Variants in REDIC1 observed in about 807,000 individuals in gnomAD.
The protein encoded by REDIC1 is HEI10 Interacting Protein 1.
the REDIC1 span, among the ~76,000 whole-genome samples, chr12:39,656,877 T>C: frequency 1.3e-5 from 2 of 152,136 alleles, no homozygotes; most frequent in East Asian, 1.9e-4. Context: ...AAGAAAAATT[T>C]TTTTACAGCT....
the REDIC1 span, among the ~76,000 whole-genome samples, chr12:39,679,976 A>G: frequency 1.3e-5 from 2 of 152,218 alleles, no homozygotes; most frequent in African/African-American, 4.8e-5. Flanking sequence ...CTCACCTTAT[A>G]TAAAAATCAA....
the REDIC1 span, among the ~76,000 whole-genome samples, chr12:39,899,734 A>C: frequency 6.6e-6 from 1 of 151,998 alleles, no homozygotes; most frequent in African/African-American, 2.4e-5. Flanking sequence ...TCATTTATTT[A>C]TGTACCCAGT....
the REDIC1 span, among the ~76,000 whole-genome samples, chr12:39,772,439 A>G: frequency 6.6e-6 from 1 of 152,162 alleles, no homozygotes; most frequent in African/African-American, 2.4e-5. Flanking sequence ...CCTATTGTCC[A>G]TCATAATACC....
chr12:39,782,950 C>A, the REDIC1 span, among the ~76,000 whole-genome samples: 1 of 151,998 alleles, frequency 6.6e-6, no homozygotes, highest in East Asian at 1.9e-4. Flanking sequence ...ATACATGTGC[C>A]ATGTTGGTGT....
At chr12:39,712,104 GTATAT>G in the REDIC1 span, among the ~76,000 whole-genome samples, 2 of 125,442 alleles carry the variant, frequency 1.6e-5, no homozygotes, top group South Asian at 5.0e-4. Flanking sequence ...ATATATACCT[GTATAT>G]ATACCTGTAT....
At chr12:39,858,756 GC>G in the REDIC1 span, among the ~76,000 whole-genome samples, 1 of 152,056 alleles carries the variant, frequency 6.6e-6, no homozygotes, top group Non-Finnish European at 1.5e-5. Flanking sequence ...ATAGGAGCCT[GC>G]CACCACACTT....
chr12:39,817,412 T>G, the REDIC1 span, among the ~76,000 whole-genome samples: 1 of 128,808 alleles, frequency 7.8e-6, no homozygotes, highest in Non-Finnish European at 1.8e-5. Flanking sequence ...TGGCTTCTAG[T>G]TGTGGGTCAT....
chr12:39,700,610 G>C, the REDIC1 span, among the ~76,000 whole-genome samples: 1 of 152,030 alleles, frequency 6.6e-6, no homozygotes, highest in Non-Finnish European at 1.5e-5. Flanking sequence ...TCCTCAAGAA[G>C]AGCAACACCA....
chr12:39,865,451 A>G, the REDIC1 span, among the ~76,000 whole-genome samples: 105,374 of 152,118 alleles, frequency 0.69, 37,422 homozygotes, highest in African/African-American at 0.84. Flanking sequence ...TATATCACAT[A>G]TATTCTTTTT....
chr12:39,726,694 G>C, the REDIC1 span, among the ~76,000 whole-genome samples: 1 of 152,142 alleles, frequency 6.6e-6, no homozygotes, highest in Non-Finnish European at 1.5e-5. Context: ...TGGGATTGCT[G>C]GGTCAAATGA....
the REDIC1 span, chr12:39,716,913 C>T: frequency 4.1e-6 from 4 of 968,762 alleles, no homozygotes; most frequent in African/African-American, 3.5e-5. Context: ...TTTACCTTTA[C>T]CCTATAAAAC....
chr12:39,790,122 GTGTTCT>G, the REDIC1 span, among the ~76,000 whole-genome samples: 2 of 37,978 alleles, frequency 5.3e-5, no homozygotes, highest in Non-Finnish European at 5.4e-5. Context: ...GCATTCTTTT[GTGTTCT>G]TTTTTTTTTT....
the REDIC1 span, among the ~76,000 whole-genome samples, chr12:39,674,595 C>T: frequency 2.0e-5 from 3 of 152,198 alleles, no homozygotes; most frequent in African/African-American, 7.2e-5. Context: ...GGATAGCCTG[C>T]TTCCAAACAC....
chr12:39,761,303 A>C, the REDIC1 span, among the ~76,000 whole-genome samples: 1 of 151,988 alleles, frequency 6.6e-6, no homozygotes, highest in Non-Finnish European at 1.5e-5. Flanking sequence ...TGATTCTGTA[A>C]ATCTTACAGC....
the REDIC1 span, among the ~76,000 whole-genome samples, chr12:39,872,193 A>G: frequency 6.6e-6 from 1 of 152,224 alleles, no homozygotes; most frequent in Non-Finnish European, 1.5e-5. Flanking sequence ...CTGAGCAAGT[A>G]GATAAGGTTG....
chr12:39,731,389 G>T, the REDIC1 span, among the ~76,000 whole-genome samples: 2 of 152,104 alleles, frequency 1.3e-5, no homozygotes, highest in African/African-American at 4.8e-5. Flanking sequence ...CTGTTTGTTA[G>T]TTCCTTCTAA....
chr12:39,661,267 T>A, the REDIC1 span, among the ~76,000 whole-genome samples: 1 of 152,128 alleles, frequency 6.6e-6, no homozygotes, highest in Non-Finnish European at 1.5e-5. Flanking sequence ...ATTTACATTC[T>A]CACCAACAGT....
At chr12:39,682,271 C>G in the REDIC1 span, among the ~76,000 whole-genome samples, 1 of 152,046 alleles carries the variant, frequency 6.6e-6, no homozygotes, top group Non-Finnish European at 1.5e-5. Flanking sequence ...TTAAATGGAA[C>G]AGCAATGACA....
At chr12:39,634,332 C>G in the REDIC1 span, among the ~76,000 whole-genome samples, 2 of 151,980 alleles carry the variant, frequency 1.3e-5, no homozygotes, top group Non-Finnish European at 2.9e-5. Flanking sequence ...AGATTTTGGG[C>G]TGAGACGATT....
Sources: allele counts gnomAD v4.1 joint callset (sites outside exome capture counted in the v4.1 genomes callset), GRCh38; gene constraint gnomAD v4.1.1; transcripts MANE v1.5; gene names NCBI Gene and HGNC (gene_info 2026-07-23, HGNC 2026-07-21).